Variants in FSHR observed in about 807,000 individuals in gnomAD.
The protein encoded by FSHR is follicle-stimulating hormone receptor.
In FSHR, 46 loss-of-function variants were observed where a neutral mutation model predicts 52.1. The observed-to-expected ratio is 0.88, with a 90% CI of 0.70 to 1.13. FSHR has a LOEUF of 1.13. Among genes scored for constraint, FSHR ranks in the 50% most tolerant of loss-of-function variants. FSHR has a pLI of 0.00. For missense variants in FSHR, 964 were observed against 834.6 expected (o/e 1.16, Z -1.91); for synonymous variants, 399 against 309.6 (o/e 1.29, Z -3.03).
intron 2 of FSHR, among the ~76,000 whole-genome samples, chr2:49,066,768 A>AT (rs1669517677): frequency 1.3e-5 from 2 of 152,092 alleles, no homozygotes; most frequent in African/African-American, 2.4e-5. Flanking sequence ...CACTTGCTGG[A>AT]TTAAACTTGA....
chr2:49,002,691 C>A lies in FSHR; in HGVS notation c.375-12054G>T, dbSNP rs149407400. Among the ~76,000 whole-genome samples the A allele has an allele frequency of 1.4e-3, 209 of 152,170 alleles. 2 individuals are homozygous for A. The highest frequency in any genetic ancestry group is 4.6e-3 in the African/African-American group (193 of 41,540). ...CAACTACCTCCCATGAAGTCCCTCC[C>A]CAACATGTGGGGATTACAATTTGGA... On this transcript the variant is annotated intron_variant, in intron 4 of 9. Transcript: ENST00000406846.
intron 2 of FSHR, among the ~76,000 whole-genome samples, chr2:49,063,993 CAATT>C (rs1669411296): frequency 6.7e-6 from 1 of 150,312 alleles, no homozygotes; most frequent in Non-Finnish European, 1.5e-5. Flanking sequence ...AATTATGTGT[CAATT>C]AAAAAATAAT....
At chr2:49,076,792 A>G (rs1221937812) in intron 1 of FSHR, among the ~76,000 whole-genome samples, 8 of 152,186 alleles carry the variant, frequency 5.3e-5, no homozygotes, top group Non-Finnish European at 8.8e-5. Flanking sequence ...AGTGGCCAAA[A>G]CAAATTTGGC....
At chr2:49,100,710 C>A (rs983630071) in intron 1 of FSHR, among the ~76,000 whole-genome samples, 1 of 152,204 alleles carries the variant, frequency 6.6e-6, no homozygotes, top group Non-Finnish European at 1.5e-5. Context: ...CTGTCTACAG[C>A]CGGGCCTTTT....
intron 5 of FSHR, 57 bp from the exon 6 acceptor site, chr2:48,989,111 C>T (rs1675651863): frequency 7.0e-7 from 1 of 1,420,580 alleles, no homozygotes. Context: ...ATGTAACCTT[C>T]CAAAATTTAG....
At chr2:48,990,463 T>C in intron 5 of FSHR, 103 bp downstream of exon 5, 1 of 824,158 alleles carries the variant, frequency 1.2e-6, no homozygotes, top group South Asian at 1.4e-5. Context: ...AGCAATACAT[T>C]TGGAGGATGT....
intron 1 of FSHR, among the ~76,000 whole-genome samples, chr2:49,092,631 A>G (rs969704315): frequency 3.9e-5 from 6 of 151,952 alleles, no homozygotes; most frequent in Non-Finnish European, 8.8e-5. Flanking sequence ...TATAAATTAT[A>G]GTGTTTGCTT....
At chr2:48,969,055 T>C (rs1674614508) in intron 8 of FSHR, among the ~76,000 whole-genome samples, 172 bp from the exon 9 acceptor site, 1 of 152,134 alleles carries the variant, frequency 6.6e-6, no homozygotes, top group African/African-American at 2.4e-5. Context: ...AATAGGACAT[T>C]TGGTTCTGTA....
chr2:48,997,393 TC>T, intron 4 of FSHR: 1 of 985,070 alleles, frequency 1.0e-6, no homozygotes, highest in Non-Finnish European at 1.2e-6. Context: ...GGGTAACATT[TC>T]CTAGAGGAGA....
At chr2:49,069,147 G>T (rs550187594) in intron 1 of FSHR, among the ~76,000 whole-genome samples, 1 of 152,192 alleles carries the variant, frequency 6.6e-6, no homozygotes, top group East Asian at 1.9e-4. Flanking sequence ...AAGGCCTTCA[G>T]TGCCCTACAA....
intron 4 of FSHR, among the ~76,000 whole-genome samples, chr2:48,993,374 A>G (rs572555062): frequency 6.6e-6 from 1 of 152,146 alleles, no homozygotes; most frequent in East Asian, 1.9e-4. Flanking sequence ...ATCAATTTTA[A>G]TTTGACAGTT....
Position 49,006,784 on chromosome 2 carries a change from G to A in FSHR, c.374+10705C>T, listed in dbSNP as rs116146756. Among the ~76,000 whole-genome samples the A allele has an allele frequency of 9.5e-3, 1,452 of 152,222 alleles. 19 individuals are homozygous for A. Among genetic ancestry groups the A allele is most frequent in the Middle Eastern group, 0.037 (11 of 294 alleles). Reference sequence around the variant, plus strand: ...AAGGACTGAGCTCCTTGAAGTGAGAGCTGTCCATCGATATCTCCTATATCT... The same window carrying A: ...AAGGACTGAGCTCCTTGAAGTGAGAACTGTCCATCGATATCTCCTATATCT... On this transcript the variant is annotated intron_variant, in intron 4 of 9. Coordinates refer to ENST00000406846, the MANE Select transcript of FSHR (RefSeq NM_000145.4).
chr2:49,119,370 G>T (rs1005599533), intron 1 of FSHR, among the ~76,000 whole-genome samples: 1 of 151,658 alleles, frequency 6.6e-6, no homozygotes, highest in Non-Finnish European at 1.5e-5. Context: ...AGACAAGAAG[G>T]ATCATCTTTG....
chr2:49,087,271 T>C (rs1296727207), intron 1 of FSHR, among the ~76,000 whole-genome samples: 4 of 151,946 alleles, frequency 2.6e-5, no homozygotes, highest in Non-Finnish European at 5.9e-5. Context: ...AGGACTCTTC[T>C]ACCTCAGGTG....
At position 49,044,643 on chromosome 2, in the gene FSHR, T is replaced by G. The variant is rs1263267275; in HGVS notation, c.224+23576A>C. 2.0e-5 allele frequency among the ~76,000 whole-genome samples: 3 copies of G among 152,072 alleles called. No homozygotes were observed. In the East Asian group the frequency reaches 5.8e-4, roughly 29 times the overall value. ...GGGGAAAGGAGCAAAGAAAGTCTGT[T>G]TCCCCCATCCCCCTCCCCCAGCACT... On this transcript the variant is annotated intron_variant, in intron 2 of 9. Transcript: ENST00000406846.
chr2:49,064,936 TAGAC>T (rs1376113949), intron 2 of FSHR, among the ~76,000 whole-genome samples: 1 of 152,178 alleles, frequency 6.6e-6, no homozygotes, highest in Admixed American at 6.6e-5. Flanking sequence ...AGTGAAATTT[TAGAC>T]AGAGGGACAG....
rs149343548 is a variant in FSHR at position 49,126,969 on chromosome 2, A to G, written c.152+27297T>C. On this transcript the variant is annotated intron_variant, in intron 1 of 9. Coordinates refer to ENST00000406846, the MANE Select transcript of FSHR (RefSeq NM_000145.4). ...GCTGGTAGAGAAAGAGTGGGCAACCAAGGAGGGATTTGGGAAAACTCAGTG... is the reference window on the plus strand; with the variant it reads ...GCTGGTAGAGAAAGAGTGGGCAACCGAGGAGGGATTTGGGAAAACTCAGTG... 3.7e-4 allele frequency among the ~76,000 whole-genome samples: 57 copies of G among 152,254 alleles called. No individual in the cohort carries two copies. The East Asian group carries it at 9.5e-3, about 25-fold the overall frequency.
At chr2:49,148,447 A>C (rs960698398) in intron 1 of FSHR, among the ~76,000 whole-genome samples, 1 of 152,070 alleles carries the variant, frequency 6.6e-6, no homozygotes, top group African/African-American at 2.4e-5. Flanking sequence ...AGAGCAAATA[A>C]ACAGATGTAA....
At chr2:49,069,284 A>G (rs1669639164) in intron 1 of FSHR, among the ~76,000 whole-genome samples, 1 of 152,104 alleles carries the variant, frequency 6.6e-6, no homozygotes, top group Non-Finnish European at 1.5e-5. Context: ...TTCTGGCTTA[A>G]TGTTTCCACA....
Sources: gnomAD v4.1 joint callset for allele counts (sites outside exome capture counted in the v4.1 genomes callset) on GRCh38, gnomAD v4.1.1 for gene constraint, MANE v1.5 for transcripts, NCBI Gene and HGNC (gene_info 2026-07-23, HGNC 2026-07-21) for gene names.